ZNF704: variants seen among roughly 807,000 people sequenced by gnomAD.
ZNF704 encodes the protein zinc finger protein 704.
Under a neutral mutation model 44.7 loss-of-function variants are expected in ZNF704, and 10 were observed. The observed-to-expected ratio is 0.22, with a 90% CI of 0.14 to 0.38. The LOEUF is 0.38. Among genes scored for constraint, ZNF704 ranks in the 10% least tolerant of loss-of-function variants. The pLI is 1.00. For synonymous variants in ZNF704, 211 were observed against 207.6 expected (o/e 1.02, Z -0.14); for missense variants, 390 against 545.5 (o/e 0.71, Z 2.84).
chr8:80,689,993 A>G (rs1818604877), intron 3 of ZNF704, among the ~76,000 whole-genome samples: 1 of 152,156 alleles, frequency 6.6e-6, no homozygotes, highest in African/African-American at 2.4e-5. Flanking sequence ...TTAGGCACAG[A>G]AAATGATCAC....
intron 2 of ZNF704, among the ~76,000 whole-genome samples, chr8:80,705,709 C>T (rs1436963726): frequency 6.6e-6 from 1 of 151,982 alleles, no homozygotes; most frequent in Non-Finnish European, 1.5e-5. Flanking sequence ...GGTGGCTGTG[C>T]CGCAGACCCT....
chr8:80,800,847 A>G (rs1807887292), intron 2 of ZNF704, among the ~76,000 whole-genome samples: 1 of 152,180 alleles, frequency 6.6e-6, no homozygotes, highest in South Asian at 2.1e-4. Context: ...AAATACCCCA[A>G]TTAAAAGACA....
chr8:80,683,415 CT>C (rs1380564773), intron 4 of ZNF704, among the ~76,000 whole-genome samples: 1 of 152,216 alleles, frequency 6.6e-6, no homozygotes, highest in East Asian at 1.9e-4. Flanking sequence ...TATCTCTGCT[CT>C]CCATTTCTTT....
chr8:80,679,608 G>A (rs2131623952), intron 4 of ZNF704, among the ~76,000 whole-genome samples: 1 of 152,302 alleles, frequency 6.6e-6, no homozygotes. Context: ...CCAGTGGAAA[G>A]CACTTCTGCA....
At chr8:80,715,344 T>C (rs1008782415) in intron 2 of ZNF704, among the ~76,000 whole-genome samples, 17 of 150,166 alleles carry the variant, frequency 1.1e-4, no homozygotes, top group African/African-American at 4.3e-4. Flanking sequence ...CTGAGAAAGA[T>C]ACTGAGATTC....
intron 5 of ZNF704, among the ~76,000 whole-genome samples, chr8:80,665,957 T>TTTA (rs1818184678): frequency 1.4e-5 from 2 of 145,670 alleles, no homozygotes; most frequent in African/African-American, 5.5e-5. Flanking sequence ...GTTCTTTATT[T>TTTA]TTTATTTATT....
At chr8:80,716,218 G>A (rs1035443459) in intron 2 of ZNF704, among the ~76,000 whole-genome samples, 2 of 152,114 alleles carry the variant, frequency 1.3e-5, no homozygotes, top group Non-Finnish European at 2.9e-5. Context: ...TAGACACCAC[G>A]TACAGGAGCA....
chr8:80,641,730 A>G (rs1817747366), intron 8 of ZNF704, among the ~76,000 whole-genome samples: 1 of 152,120 alleles, frequency 6.6e-6, no homozygotes, highest in African/African-American at 2.4e-5. Context: ...TTAGCCAGGC[A>G]TGTACCTGTA....
intron 2 of ZNF704, among the ~76,000 whole-genome samples, chr8:80,753,557 C>CA (rs1227335479): frequency 6.6e-6 from 1 of 152,042 alleles, no homozygotes; most frequent in Non-Finnish European, 1.5e-5. Flanking sequence ...CTGTGTCAAA[C>CA]ATCACTCCTT....
In ZNF704 at chr8:80,821,504, C is replaced by T. The variant is rs1482835022; in HGVS notation, c.91G>A (p.Asp31Asn). 1.9e-6 allele frequency: 3 copies of T among 1,614,010 alleles called. No individual in the cohort carries two copies. Among genetic ancestry groups the T allele is most frequent in the Non-Finnish European group, 2.5e-6 (3 of 1,180,012 alleles). The change falls in exon 2 of 9, where the codon GAT becomes AAT. Residue 31 changes from aspartate (D) to asparagine (N), a missense_variant. Asp to Asn is a conservative substitution (Grantham distance 23). Transcript: ENST00000327835. Reference protein sequence around the residue: ...QHVFSLAMEEDVKTADTKKAS... With the variant: ...QHVFSLAMEENVKTADTKKAS... Reference sequence around the variant, plus strand: ...TTTTTGGTGTCTGCTGTTTTCACATCTTCCTCCATGGCCAAGGAAAACACG... The same window carrying T: ...TTTTTGGTGTCTGCTGTTTTCACATTTTCCTCCATGGCCAAGGAAAACACG...
chr8:80,860,231 G>T (rs1471234217), intron 1 of ZNF704, among the ~76,000 whole-genome samples: 1 of 152,182 alleles, frequency 6.6e-6, no homozygotes, highest in East Asian at 1.9e-4. Flanking sequence ...CAGAGCCTAG[G>T]GAGCTAACAG....
At chr8:80,682,277 GATTA>G (rs546915486) in intron 4 of ZNF704, among the ~76,000 whole-genome samples, 129 of 152,302 alleles carry the variant, frequency 8.5e-4, no homozygotes, top group South Asian at 8.3e-3. Context: ...TGGAGCAAAT[GATTA>G]ATTGTTTGCT....
At chr8:80,868,512 C>T (rs1809195665) in intron 1 of ZNF704, among the ~76,000 whole-genome samples, 1 of 152,194 alleles carries the variant, frequency 6.6e-6, no homozygotes, top group African/African-American at 2.4e-5. Context: ...TGGATGTGAG[C>T]CCATGCTCCC....
intron 2 of ZNF704, among the ~76,000 whole-genome samples, chr8:80,728,034 A>T (rs1806514937): frequency 1.3e-5 from 2 of 152,274 alleles, no homozygotes; most frequent in East Asian, 3.9e-4. Context: ...ATTCTTCAAA[A>T]TTTTTTAGCT....
At chr8:80,706,964 A>C (rs1279163331) in intron 2 of ZNF704, among the ~76,000 whole-genome samples, 2 of 152,176 alleles carry the variant, frequency 1.3e-5, no homozygotes, top group African/African-American at 4.8e-5. Context: ...TTTAGTTTTA[A>C]AGAGAAAAAA....
At chr8:80,755,594 C>A (rs762422842) in intron 2 of ZNF704, among the ~76,000 whole-genome samples, 1 of 152,162 alleles carries the variant, frequency 6.6e-6, no homozygotes, top group African/African-American at 2.4e-5. Context: ...CAGGTTCAAT[C>A]GGAACTATTC....
chr8:80,874,528 C>G lies in ZNF704; in HGVS notation c.-22+43G>C, dbSNP rs1345922233. On this transcript the variant is annotated intron_variant, in intron 1 of 8. Transcript: ENST00000327835. This position sits in a 1 kb window ranked among gnomAD's most constrained non-coding sequence, Gnocchi z 4.4. ...CCATTCCTCACAACCCTCCGGTCCC[C>G]CCGCTCAGACAAAACCCGGACTGGA... 2 of 151,984 alleles carry G rather than the reference C, an allele frequency of 1.3e-5. No individual in the cohort carries two copies. The highest frequency in any genetic ancestry group is 4.8e-5 in the African/African-American group (2 of 41,410). The allele number at this position is 151,984 out of a possible 1,614,324, so 9.4% of individuals were successfully genotyped here. A position where few individuals can be genotyped will look rare whatever the true frequency, so the allele number is the denominator to read the frequency against.
At chr8:80,777,403 T>C (rs776781733) in intron 2 of ZNF704, among the ~76,000 whole-genome samples, 2 of 152,214 alleles carry the variant, frequency 1.3e-5, no homozygotes, top group Non-Finnish European at 2.9e-5. Flanking sequence ...TCTCCCCTGC[T>C]TGTTGTTATT....
intron 1 of ZNF704, among the ~76,000 whole-genome samples, chr8:80,860,476 T>C (rs764222156): frequency 6.6e-6 from 1 of 152,242 alleles, no homozygotes; most frequent in African/African-American, 2.4e-5. Context: ...TGTCTAACTA[T>C]AATGTGTTGG....
Sources: gnomAD v4.1 joint callset for allele counts (sites outside exome capture counted in the v4.1 genomes callset) on GRCh38, gnomAD v4.1.1 for gene constraint, Gnocchi (gnomAD v3.1) non-coding constraint, MANE v1.5 for transcripts, NCBI Gene and HGNC (gene_info 2026-07-23, HGNC 2026-07-21) for gene names.